Variants in BICC1 observed in about 807,000 individuals in gnomAD.
BICC1 encodes the protein protein bicaudal C homolog 1.
Under a neutral mutation model 111.0 loss-of-function variants are expected in BICC1, and 43 were observed. The observed-to-expected ratio is 0.39, with a 90% CI of 0.30 to 0.50. BICC1 has a LOEUF of 0.50. BICC1 is among the 20% of genes least tolerant of loss of function. The pLI is 0.88. For missense variants in BICC1, 1,091 were observed against 1,203.2 expected, an observed-to-expected ratio of 0.91 and a Z score of 1.38; for synonymous variants, 467 against 434.4, an observed-to-expected ratio of 1.07 and a Z score of -0.93.
At chr10:58,819,561 A>G (rs1353204508) in intron 19 of BICC1, among the ~76,000 whole-genome samples, 1 of 152,166 alleles carries the variant, frequency 6.6e-6, no homozygotes, top group Non-Finnish European at 1.5e-5. Context: ...CACAGGTGAT[A>G]TATCAACATG....
chr10:58,672,220 A>G (rs534352484), intron 2 of BICC1, among the ~76,000 whole-genome samples: 22 of 152,256 alleles, frequency 1.4e-4, no homozygotes, highest in African/African-American at 5.3e-4. Context: ...CTGAAATTCC[A>G]TACCCATTTA....
intron 1 of BICC1, among the ~76,000 whole-genome samples, chr10:58,578,013 T>C (rs1456515673): frequency 6.6e-6 from 1 of 152,202 alleles, no homozygotes; most frequent in Admixed American, 6.5e-5. Flanking sequence ...GATTTCATTG[T>C]ATTATAGCCC....
chr10:58,660,297 G>A lies in BICC1; in HGVS notation c.237+39396G>A, dbSNP rs185441882. On this transcript the variant is annotated intron_variant, in intron 2 of 20. Transcript: ENST00000373886. Reference sequence around the variant, plus strand: ...TTAACAAGGCCACCTTCCCTTGTTTGTCAAATAAGGAGAGTATAGTAATAG... The same window carrying A: ...TTAACAAGGCCACCTTCCCTTGTTTATCAAATAAGGAGAGTATAGTAATAG... Among the ~76,000 whole-genome samples the A allele has an allele frequency of 2.6e-4, 39 of 152,218 alleles. No individual in the cohort carries two copies. The East Asian group carries it at 7.2e-3, about 28-fold the overall frequency.
intron 2 of BICC1, among the ~76,000 whole-genome samples, chr10:58,695,405 A>G (rs956128072): frequency 2.6e-5 from 4 of 152,164 alleles, no homozygotes; most frequent in African/African-American, 9.7e-5. Context: ...TTCTCTATTA[A>G]TATAAGGAAA....
chr10:58,761,771 C>T (rs1413322601), intron 3 of BICC1, among the ~76,000 whole-genome samples: 1 of 152,076 alleles, frequency 6.6e-6, no homozygotes, highest in Non-Finnish European at 1.5e-5. Flanking sequence ...TGATTTTTGG[C>T]AGTATATCAT....
chr10:58,532,908 T>A (rs969690723), intron 1 of BICC1, among the ~76,000 whole-genome samples: 3 of 151,790 alleles, frequency 2.0e-5, no homozygotes, highest in African/African-American at 4.8e-5. Flanking sequence ...AGTACAATCC[T>A]GAAGACAAAG....
chr10:58,597,957 AAC>A (rs1177531414), intron 1 of BICC1, among the ~76,000 whole-genome samples: 3 of 152,144 alleles, frequency 2.0e-5, no homozygotes, highest in African/African-American at 7.2e-5. Context: ...TTGTACAGGT[AAC>A]ACAGTTATCA....
At chr10:58,768,050 A>G (rs546339157) in intron 3 of BICC1, among the ~76,000 whole-genome samples, 2 of 152,258 alleles carry the variant, frequency 1.3e-5, no homozygotes, top group East Asian at 1.9e-4. Context: ...ATGGCTGAAA[A>G]CTTCCCATAT....
intron 3 of BICC1, among the ~76,000 whole-genome samples, chr10:58,712,696 C>T (rs1156456432): frequency 1.3e-5 from 2 of 152,124 alleles, no homozygotes; most frequent in African/African-American, 4.8e-5. Context: ...TTATCAGGGA[C>T]TTCGTGGGAG....
At chr10:58,751,726 G>T (rs899722169) in intron 3 of BICC1, among the ~76,000 whole-genome samples, 30 of 151,836 alleles carry the variant, frequency 2.0e-4, no homozygotes, top group African/African-American at 6.8e-4. Context: ...TTTCTTTATT[G>T]AACCATTAAA....
At chr10:58,799,663 C>T (rs1369251464) in intron 12 of BICC1, among the ~76,000 whole-genome samples, 1 of 151,976 alleles carries the variant, frequency 6.6e-6, no homozygotes, top group Non-Finnish European at 1.5e-5. Context: ...TGTAGGTGTG[C>T]AGCTTTATTT....
intron 3 of BICC1, among the ~76,000 whole-genome samples, chr10:58,719,800 C>T (rs192595696): frequency 6.6e-6 from 1 of 152,298 alleles, no homozygotes; most frequent in Non-Finnish European, 1.5e-5. Context: ...GTTAATTCAA[C>T]AGTTATTTAA....
At chr10:58,599,193 A>G (rs1048176353) in intron 1 of BICC1, among the ~76,000 whole-genome samples, 1 of 152,150 alleles carries the variant, frequency 6.6e-6, no homozygotes, top group South Asian at 2.1e-4. Flanking sequence ...ATAAAGACAC[A>G]TGCACACATA....
At chr10:58,580,677 T>C (rs909063766) in intron 1 of BICC1, among the ~76,000 whole-genome samples, 2 of 152,202 alleles carry the variant, frequency 1.3e-5, no homozygotes, top group Non-Finnish European at 2.9e-5. Flanking sequence ...GCTTGTTGAT[T>C]AATAACTTCC....
chr10:58,583,462 C>T (rs1032722760), intron 1 of BICC1, among the ~76,000 whole-genome samples: 1 of 151,050 alleles, frequency 6.6e-6, no homozygotes, highest in Admixed American at 6.6e-5. Context: ...GAGAACATAA[C>T]GATGTTTGTT....
At chr10:58,806,146 G>A (rs990016397) in intron 15 of BICC1, among the ~76,000 whole-genome samples, 1 of 152,048 alleles carries the variant, frequency 6.6e-6, no homozygotes, top group Non-Finnish European at 1.5e-5. Flanking sequence ...TTCAGGCCAC[G>A]CTTACCTAAA....
chr10:58,679,572 A>G (rs1285803920), intron 2 of BICC1, among the ~76,000 whole-genome samples: 2 of 152,208 alleles, frequency 1.3e-5, no homozygotes, highest in Non-Finnish European at 2.9e-5. Context: ...AAAGCCCAGG[A>G]CCAGATGGAT....
intron 2 of BICC1, among the ~76,000 whole-genome samples, chr10:58,662,387 G>A (rs914674115): frequency 6.6e-6 from 1 of 152,224 alleles, no homozygotes; most frequent in Non-Finnish European, 1.5e-5. Flanking sequence ...CACCCATGAT[G>A]AAGGAGGTTA....
chr10:58,768,066 G>A (rs1400953191), intron 3 of BICC1, among the ~76,000 whole-genome samples: 1 of 152,082 alleles, frequency 6.6e-6, no homozygotes, highest in East Asian at 1.9e-4. Context: ...CATATCATGG[G>A]AAAGATATGG....
Sources: allele counts gnomAD v4.1 joint callset (sites outside exome capture counted in the v4.1 genomes callset), GRCh38; gene constraint gnomAD v4.1.1; transcripts MANE v1.5; gene names NCBI Gene and HGNC (gene_info 2026-07-23, HGNC 2026-07-21).